The following SLC2A11 variants were observed in gnomAD, a reference collection of about 807,000 sequenced individuals.
SLC2A11 encodes solute carrier family 2, facilitated glucose transporter member 11.
A neutral mutation model predicts 52.1 loss-of-function variants in SLC2A11; 43 were observed. That is an observed-to-expected ratio of 0.82 (90% CI 0.65 to 1.06). The LOEUF (loss-of-function observed/expected upper bound fraction) is 1.06. Among genes scored for constraint, SLC2A11 ranks in the 50% least tolerant of loss-of-function variants. The pLI, the probability that SLC2A11 is intolerant of heterozygous loss-of-function variation, is 0.00. For synonymous variants in SLC2A11, 261 were observed against 277.6 expected, an observed-to-expected ratio of 0.94 and a Z score of 0.59; for missense variants, 582 against 654.2, an observed-to-expected ratio of 0.89 and a Z score of 1.20.
At chr22:23,870,262 A>G (rs1455448468) in intron 3 of SLC2A11, 1 of 537,402 alleles carries the variant, frequency 1.9e-6, no homozygotes, top group Non-Finnish European at 3.3e-6. Flanking sequence ...CATGAAAGGA[A>G]GAAATTAAAA....
At position 23,884,273 on chromosome 22, in the gene SLC2A11, C is replaced by G. The variant is rs1459441660; in HGVS notation, c.1172-29C>G. On this transcript the variant is annotated intron_variant, in intron 10 of 11. Coordinates refer to ENST00000316185, the MANE Select transcript of SLC2A11 (RefSeq NM_001024939.4). The surrounding 1 kb of genome is among the most constrained non-coding windows in gnomAD (Gnocchi z 4.3). Reference sequence around the variant, plus strand: ...GAGGCAGGCAGGGAACCCTGGCCAGCAGCCCCCTGTCCCTGCCCCTCCTTC... The same window carrying G: ...GAGGCAGGCAGGGAACCCTGGCCAGGAGCCCCCTGTCCCTGCCCCTCCTTC... 1.9e-6 allele frequency: 3 copies of G among 1,597,876 alleles called. No individual in the cohort carries two copies. In the East Asian group the frequency reaches 6.7e-5, roughly 36 times the overall value.
chr22:23,878,846 G>A (rs918854352), intron 6 of SLC2A11, among the ~76,000 whole-genome samples: 1 of 152,118 alleles, frequency 6.6e-6, no homozygotes, highest in African/African-American at 2.4e-5. Flanking sequence ...AAGTCTATAT[G>A]GGCCTTTTCT....
intron 4 of SLC2A11, among the ~76,000 whole-genome samples, chr22:23,875,499 A>G (rs2032589244): frequency 1.3e-5 from 2 of 152,168 alleles, no homozygotes; most frequent in African/African-American, 4.8e-5. Flanking sequence ...CTTAACACTA[A>G]TACAGGTCCC....
chr22:23,877,846 G>A lies in SLC2A11; in HGVS notation c.671G>A (p.Gly224Glu), dbSNP rs567545408. 5.0e-6 allele frequency: 8 copies of A among 1,613,060 alleles called. No individual in the cohort carries two copies. In the African/African-American group the frequency reaches 1.1e-4, roughly 22 times the overall value. The change falls in exon 6 of 12, where the codon GGA becomes GAA. Residue 224 changes from glycine to glutamate, a missense_variant. By Grantham distance (98) the Gly-to-Glu change is moderately conservative. Coordinates refer to ENST00000316185, the MANE Select transcript of SLC2A11 (RefSeq NM_001024939.4). ...ESPRYLLIDC[G>E]DTEACLAALR... ...CCGCGCTACCTCCTCATTGACTGTG[G>A]AGACACCGAGGCCTGCCTGGCAGGT...
intron 2 of SLC2A11, among the ~76,000 whole-genome samples, chr22:23,863,300 C>T (rs2032138789): frequency 6.6e-6 from 1 of 152,200 alleles, no homozygotes; most frequent in Non-Finnish European, 1.5e-5. Flanking sequence ...TGTGTGAGGG[C>T]TGTTTTGTGT....
intron 2 of SLC2A11, among the ~76,000 whole-genome samples, chr22:23,863,610 T>TTTTTG (rs1406429470): frequency 7.8e-6 from 1 of 128,454 alleles, no homozygotes; most frequent in African/African-American, 3.1e-5. Context: ...TCTCTCTGGT[T>TTTTTG]TTTTTTTTTT....
Position 23,885,362 on chromosome 22 carries a change from C to G in SLC2A11, c.*513C>G, listed in dbSNP as rs2032966205. On this transcript the variant is annotated 3_prime_UTR_variant, in exon 12 of 12. Transcript: ENST00000316185. ...AGAGGGAGACTTCATCTCTTTAAAA[C>G]ATAATAATAATAATTACAGACTCAG... The G allele has an allele frequency of 6.3e-6, 1 of 158,146 alleles. No homozygotes were observed. Among genetic ancestry groups the G allele is most frequent in the South Asian group, 2.1e-4 (1 of 4,850 alleles). The allele number at this position is 158,146 out of a possible 1,614,324, so 9.8% of individuals were successfully genotyped here. A position where few individuals can be genotyped will look rare whatever the true frequency, so the allele number is the denominator to read the frequency against.
upstream of SLC2A11, chr22:23,857,292 G>T (rs2031868925): frequency 1.1e-6 from 1 of 872,460 alleles, no homozygotes; most frequent in Non-Finnish European, 1.8e-6. Context: ...GGGGACGAGG[G>T]GCCAGAGCCG....
chr22:23,861,696 A>G (rs965725477), intron 1 of SLC2A11, among the ~76,000 whole-genome samples: 3 of 152,118 alleles, frequency 2.0e-5, no homozygotes, highest in African/African-American at 7.2e-5. Flanking sequence ...TCTGTTGGAG[A>G]AGGTTTTCCT....
intron 3 of SLC2A11, chr22:23,872,142 C>A: frequency 6.6e-6 from 1 of 152,228 alleles, no homozygotes; most frequent in Non-Finnish European, 1.5e-5. Context: ...TTGAGACTAG[C>A]CTGGGCAACA....
intron 4 of SLC2A11, among the ~76,000 whole-genome samples, chr22:23,876,545 C>T (rs2032616782): frequency 6.6e-6 from 1 of 152,170 alleles, no homozygotes; most frequent in African/African-American, 2.4e-5. Context: ...GGGGTGCTCT[C>T]CAGCTCTCTG....
Position 23,877,737 on chromosome 22 carries a change from C to T in SLC2A11, c.562C>T (p.Pro188Ser), listed in dbSNP as rs1469309698. Residue 188 changes from proline (P) to serine (S), a missense_variant, in exon 6 of 12, where the codon CCT (proline) becomes TCT (serine). Pro to Ser is a moderately conservative substitution (Grantham distance 74). Coordinates refer to ENST00000316185, the MANE Select transcript of SLC2A11 (RefSeq NM_001024939.4). ...VVGLRELLGGPQAWPLLLASC... is the reference protein window; with the variant it reads ...VVGLRELLGGSQAWPLLLASC... ...CCTCCTTAGGGAGCTCCTAGGTGGC[C>T]CTCAGGCCTGGCCCCTGCTGCTGGC... is the stretch of plus-strand genomic sequence containing the variant. The T allele has an allele frequency of 1.3e-6, 2 of 1,598,000 alleles. No individual in the cohort carries two copies. Among genetic ancestry groups the T allele is most frequent in the East Asian group, 4.5e-5 (2 of 44,560 alleles).
chr22:23,870,187 C>T (rs1203713615), intron 3 of SLC2A11: 9 of 608,248 alleles, frequency 1.5e-5, no homozygotes, highest in African/African-American at 9.3e-5. Context: ...GCTCTTCCCA[C>T]GAAGAAGACG....
chr22:23,864,080 C>T (rs116284987), intron 2 of SLC2A11, among the ~76,000 whole-genome samples: 7 of 151,998 alleles, frequency 4.6e-5, no homozygotes, highest in African/African-American at 1.7e-4. Context: ...ATTACATGTC[C>T]ACTCCCAGAC....
chr22:23,869,865 A>G, intron 3 of SLC2A11: 2 of 618,450 alleles, frequency 3.2e-6, no homozygotes, highest in Non-Finnish European at 5.8e-6. Flanking sequence ...CATGGCAGAA[A>G]GGGCGAATGC....
Position 23,882,846 on chromosome 22 carries a change from G to T in SLC2A11, c.970G>T (p.Glu324Ter), listed in dbSNP as rs775020227. The T allele has an allele frequency of 1.9e-6, 3 of 1,613,160 alleles. No individual in the cohort carries two copies. The highest frequency in any genetic ancestry group is 2.5e-6 in the Non-Finnish European group (3 of 1,179,620). ...CGCGATCATCGGGACTGGGAGCTGC[G>T]AGCTGCTCACGGCGGTTGTTAGTGT... ...QYAIIGTGSC[E>*]LLTAVVSCVV... Residue 324 changes from glutamate (E) to a stop codon, truncating the protein, a stop_gained, in exon 8 of 12, where the codon GAG becomes TAG. Coordinates refer to ENST00000316185, the MANE Select transcript of SLC2A11 (RefSeq NM_001024939.4). LOFTEE classifies it high-confidence loss of function.
chr22:23,863,886 C>A (rs1480215205), intron 2 of SLC2A11, among the ~76,000 whole-genome samples: 2 of 152,068 alleles, frequency 1.3e-5, no homozygotes, highest in Non-Finnish European at 2.9e-5. Context: ...CCACCTCGGC[C>A]TCTTGAAGTT....
chr22:23,857,540 C>G (rs758561563), upstream of SLC2A11: 4 of 1,611,594 alleles, frequency 2.5e-6, no homozygotes, highest in South Asian at 4.4e-5. Flanking sequence ...AGGTGAGCTC[C>G]CAGCGGCGGC....
intron 6 of SLC2A11, among the ~76,000 whole-genome samples, chr22:23,878,849 C>T (rs2094391633): frequency 6.6e-6 from 1 of 152,194 alleles, no homozygotes; most frequent in South Asian, 2.1e-4. Flanking sequence ...TCTATATGGG[C>T]CTTTTCTTGA....
Sources: gnomAD v4.1 joint callset for allele counts (sites outside exome capture counted in the v4.1 genomes callset) on GRCh38, gnomAD v4.1.1 for gene constraint, Gnocchi (gnomAD v3.1) non-coding constraint, MANE v1.5 for transcripts, NCBI Gene and HGNC (gene_info 2026-07-23, HGNC 2026-07-21) for gene names.